Variants in NIN observed in about 807,000 individuals in gnomAD.
NIN encodes glycogen synthase kinase 3 beta-interacting protein.
A neutral mutation model predicts 257.6 loss-of-function variants in NIN; 137 were observed. That is an observed-to-expected ratio of 0.53 (90% CI 0.46 to 0.61). The LOEUF (loss-of-function observed/expected upper bound fraction) is 0.61. NIN is among the 20% of genes least tolerant of loss of function. NIN has a pLI of 0.00. For missense variants in NIN, 2,439 were observed against 2,501.2 expected (o/e 0.98, Z 0.53); for synonymous variants, 918 against 919.8 (o/e 1.00, Z 0.04).
At chr14:50,744,941 A>ATTTT (rs2041469102) in intron 22 of NIN, among the ~76,000 whole-genome samples, 1 of 151,714 alleles carries the variant, frequency 6.6e-6, no homozygotes, top group Admixed American at 6.6e-5. Flanking sequence ...AAAACAAAAA[A>ATTTT]ACCCCCTAGA....
chr14:50,728,091 A>C (rs903324205), intron 29 of NIN, among the ~76,000 whole-genome samples: 4 of 151,970 alleles, frequency 2.6e-5, no homozygotes, highest in African/African-American at 9.7e-5. Context: ...TTTTTGTCTA[A>C]TCCTGAAGGA....
intron 3 of NIN, among the ~76,000 whole-genome samples, chr14:50,821,470 C>T (rs1021052485): frequency 1.1e-4 from 16 of 152,210 alleles, no homozygotes; most frequent in African/African-American, 3.9e-4. Flanking sequence ...ATAATCCACA[C>T]AAGAAATAGC....
chr14:50,830,975 G>A (rs1357383541), intron 1 of NIN, 31 bp downstream of exon 1: 1 of 151,398 alleles, frequency 6.6e-6, no homozygotes, highest in Non-Finnish European at 1.5e-5. Context: ...CCCAGGCCGT[G>A]GGTCCGGGTC....
Position 50,831,075 on chromosome 14 carries a change from G to C in NIN, c.-145C>G, listed in dbSNP as rs1354687368. On this transcript the variant is annotated 5_prime_UTR_variant, in exon 1 of 31. Coordinates refer to ENST00000530997, the MANE Select transcript of NIN (RefSeq NM_020921.4). ...GCCGCTGGCGCACTCCGGGCTTGGC[G>C]GCGGCAGCGGGACGGCCGCGCCCAG... The C allele has an allele frequency of 6.7e-6, 1 of 150,000 alleles. No homozygotes were observed. Among genetic ancestry groups the C allele is most frequent in the East Asian group, 1.9e-4 (1 of 5,172 alleles). 9.3% of individuals were successfully genotyped at this position (150,000 alleles called of 1,614,324 possible).
chr14:50,820,113 C>T (rs1048450165), intron 3 of NIN, among the ~76,000 whole-genome samples: 1 of 152,192 alleles, frequency 6.6e-6, no homozygotes, highest in African/African-American at 2.4e-5. Context: ...GGACTATCAC[C>T]AGGGACCTCC....
At chr14:50,783,563 A>G (rs1187376118) in intron 5 of NIN, among the ~76,000 whole-genome samples, 3 of 150,854 alleles carry the variant, frequency 2.0e-5, no homozygotes, top group Non-Finnish European at 2.9e-5. Flanking sequence ...GCTTCCTTCT[A>G]CCTAGTCTCC....
chr14:50,825,284 C>T (rs2045408005), intron 2 of NIN, among the ~76,000 whole-genome samples: 1 of 152,178 alleles, frequency 6.6e-6, no homozygotes, highest in African/African-American at 2.4e-5. Context: ...ATAGAACAGA[C>T]TGAGAATGGG....
chr14:50,802,955 G>A (rs898059979), intron 4 of NIN, among the ~76,000 whole-genome samples: 3 of 152,138 alleles, frequency 2.0e-5, no homozygotes, highest in Non-Finnish European at 2.9e-5. Flanking sequence ...CTAAGGCTGA[G>A]CACTATGGTC....
intron 5 of NIN, among the ~76,000 whole-genome samples, chr14:50,780,677 A>C (rs1315255256): frequency 6.6e-6 from 1 of 152,204 alleles, no homozygotes; most frequent in African/African-American, 2.4e-5. Flanking sequence ...GAGTTCATTT[A>C]ATTTGGCCAT....
At chr14:50,744,453 T>A (rs2041444949) in intron 22 of NIN, 88 bp from the exon 23 acceptor site, 5 of 1,350,396 alleles carry the variant, frequency 3.7e-6, no homozygotes, top group African/African-American at 2.9e-5. Flanking sequence ...TTTTCACAGC[T>A]GCTGCTATTT....
chr14:50,811,603 AT>A (rs1237995549), intron 3 of NIN, among the ~76,000 whole-genome samples: 26 of 109,088 alleles, frequency 2.4e-4, no homozygotes, highest in Admixed American at 1.4e-3. Flanking sequence ...AGATCCAGGT[AT>A]TAAACAATTT....
Position 50,752,630 on chromosome 14 carries a change from C to T in NIN, c.4838G>A (p.Arg1613His), listed in dbSNP as rs200205970. ...NQEKLQELNQ[R>H]LTEMLCQKEK... ...CTTCTGGCATAGCATTTCTGTTAGA[C>T]GTTGATTAAGTTCTTGCAGTTTTTC... Residue 1613 changes from arginine (R) to histidine (H), a missense_variant, in exon 21 of 31, where the codon CGT (arginine) becomes CAT (histidine). Arg to His is a conservative substitution (Grantham distance 29, BLOSUM62 0). Coordinates refer to ENST00000530997, the MANE Select transcript of NIN (RefSeq NM_020921.4). 5.4e-5 allele frequency: 87 copies of T among 1,613,624 alleles called. No homozygotes were observed. The highest frequency in any genetic ancestry group is 6.7e-5 in the Non-Finnish European group (79 of 1,179,798).
At chr14:50,823,336 A>G (rs778885539) in intron 2 of NIN, 2 of 533,162 alleles carry the variant, frequency 3.8e-6, no homozygotes, top group Non-Finnish European at 7.5e-6. Context: ...CAGTCCTTTG[A>G]CTATAAAAAA....
chr14:50,822,958 C>A (rs1311879026), intron 2 of NIN, among the ~76,000 whole-genome samples: 2 of 152,182 alleles, frequency 1.3e-5, no homozygotes, highest in East Asian at 3.8e-4. Context: ...GGAACCTCCA[C>A]TCACTAAAGC....
At chr14:50,754,084 C>T (rs1480944462) in intron 20 of NIN, among the ~76,000 whole-genome samples, 2 of 152,216 alleles carry the variant, frequency 1.3e-5, no homozygotes, top group Non-Finnish European at 2.9e-5. Flanking sequence ...TTTATAACTG[C>T]ATGTTGTAAG....
intron 16 of NIN, 78 bp from the exon 17 acceptor site, chr14:50,760,437 C>CTTTTTTT (rs35995624): frequency 4.7e-6 from 2 of 425,618 alleles, no homozygotes; most frequent in African/African-American, 5.7e-5. Flanking sequence ...GCAGCAATTG[C>CTTTTTTT]TTTTTTTTTT....
At chr14:50,730,018 T>C (rs2040611263) in intron 28 of NIN, among the ~76,000 whole-genome samples, 1 of 151,824 alleles carries the variant, frequency 6.6e-6, no homozygotes, top group African/African-American at 2.4e-5. Context: ...ATGTGAATTC[T>C]ATTTCATTTT....
At chr14:50,787,452 TTAC>T (rs2043394754) in intron 5 of NIN, among the ~76,000 whole-genome samples, 1 of 152,224 alleles carries the variant, frequency 6.6e-6, no homozygotes, top group African/African-American at 2.4e-5. Context: ...TGTACTCTTC[TTAC>T]TCTCACTTGT....
chr14:50,733,474 T>C (rs3015480), intron 28 of NIN, among the ~76,000 whole-genome samples: 85,268 of 151,638 alleles, frequency 0.56, 24,731 homozygotes, highest in African/African-American at 0.71. Flanking sequence ...AATAGAAAAA[T>C]CCATGCTTTT....
Sources: allele counts gnomAD v4.1 joint callset (sites outside exome capture counted in the v4.1 genomes callset), GRCh38; gene constraint gnomAD v4.1.1; transcripts MANE v1.5; gene names NCBI Gene and HGNC (gene_info 2026-07-23, HGNC 2026-07-21).